Variants in STXBP6 observed in about 807,000 individuals in gnomAD.
STXBP6 encodes syntaxin binding protein 6, also known as syntaxin-binding protein 6.
Under a neutral mutation model 26.9 loss-of-function variants are expected in STXBP6, and 21 were observed. The observed-to-expected ratio is 0.78, with a 90% CI of 0.55 to 1.12. STXBP6 has a LOEUF of 1.12. STXBP6 is among the 50% of genes most tolerant of loss of function. The pLI is 0.00. For missense variants in STXBP6, 232 were observed against 257.9 expected, an observed-to-expected ratio of 0.90 and a Z score of 0.69; for synonymous variants, 97 against 92.6, an observed-to-expected ratio of 1.05 and a Z score of -0.27.
At chr14:24,914,992 G>C (rs2071708555) in intron 2 of STXBP6, among the ~76,000 whole-genome samples, 1 of 152,184 alleles carries the variant, frequency 6.6e-6, no homozygotes, top group African/African-American at 2.4e-5. Context: ...ATTATCAGAA[G>C]TTATTTATCA....
At chr14:24,966,822 A>G (rs2073749245) in intron 2 of STXBP6, among the ~76,000 whole-genome samples, 1 of 152,238 alleles carries the variant, frequency 6.6e-6, no homozygotes, top group Non-Finnish European at 1.5e-5. Flanking sequence ...AGAGTCAAAT[A>G]TATCTACTAA....
intron 1 of STXBP6, among the ~76,000 whole-genome samples, chr14:25,032,299 C>T (rs942853861): frequency 9.9e-5 from 15 of 152,152 alleles, no homozygotes. Flanking sequence ...CATCCGACAT[C>T]GCTCGACACA....
intron 2 of STXBP6, among the ~76,000 whole-genome samples, chr14:24,922,921 A>G (rs545909488): frequency 6.6e-6 from 1 of 152,262 alleles, no homozygotes; most frequent in South Asian, 2.1e-4. Context: ...AATCTTTAAT[A>G]TAATTTTTCT....
chr14:24,825,437 A>G (rs1015305762), intron 4 of STXBP6, among the ~76,000 whole-genome samples: 1 of 152,214 alleles, frequency 6.6e-6, no homozygotes, highest in Admixed American at 6.5e-5. Flanking sequence ...CAAGAAACTT[A>G]CTTGCTTGTT....
intron 2 of STXBP6, among the ~76,000 whole-genome samples, chr14:24,874,992 A>G (rs928595787): frequency 6.6e-6 from 1 of 152,212 alleles, no homozygotes; most frequent in Non-Finnish European, 1.5e-5. Flanking sequence ...GATTTGGCCT[A>G]GAAACTAAGC....
chr14:24,951,519 T>C (rs1247413785), intron 2 of STXBP6, among the ~76,000 whole-genome samples: 1 of 152,222 alleles, frequency 6.6e-6, no homozygotes, highest in Non-Finnish European at 1.5e-5. Context: ...ATAAATGTCT[T>C]CTTTTGAGAA....
At chr14:24,862,454 G>C (rs2069574797) in intron 2 of STXBP6, among the ~76,000 whole-genome samples, 1 of 152,154 alleles carries the variant, frequency 6.6e-6, no homozygotes, top group African/African-American at 2.4e-5. Context: ...TAACCCCAAA[G>C]GTGGAAGGAA....
intron 1 of STXBP6, among the ~76,000 whole-genome samples, chr14:25,046,374 C>G (rs574702467): frequency 1.6e-4 from 25 of 152,328 alleles, no homozygotes; most frequent in Admixed American, 1.0e-3. Context: ...GTCAGGAAGA[C>G]AGGTTTGGGC....
chr14:24,836,138 G>C (rs1409485193), intron 4 of STXBP6, among the ~76,000 whole-genome samples: 1 of 152,176 alleles, frequency 6.6e-6, no homozygotes. Flanking sequence ...TCACACTTTG[G>C]TACTTTACTG....
chr14:24,830,910 C>A (rs1290031281), intron 4 of STXBP6, among the ~76,000 whole-genome samples: 1 of 152,010 alleles, frequency 6.6e-6, no homozygotes, highest in African/African-American at 2.4e-5. Context: ...TAAGTCAGGA[C>A]AATATATCAA....
At chr14:24,815,678 G>A (rs1162890503) in intron 5 of STXBP6, 1 of 152,088 alleles carries the variant, frequency 6.6e-6, no homozygotes, top group Non-Finnish European at 1.5e-5. Flanking sequence ...AATGTCATCT[G>A]AGGATGTCTG....
intron 2 of STXBP6, among the ~76,000 whole-genome samples, chr14:24,956,727 T>G (rs181197532): frequency 1.5e-3 from 220 of 151,552 alleles, no homozygotes; most frequent in African/African-American, 5.0e-3. Flanking sequence ...GAGACAGGGG[T>G]TTCAGTGCTG....
At chr14:24,869,753 G>A (rs1365488478) in intron 2 of STXBP6, among the ~76,000 whole-genome samples, 3 of 152,124 alleles carry the variant, frequency 2.0e-5, no homozygotes, top group African/African-American at 7.2e-5. Flanking sequence ...CCCTCCCTCA[G>A]ACTTACAGCC....
chr14:24,963,894 C>T (rs1490739731), intron 2 of STXBP6, among the ~76,000 whole-genome samples: 1 of 150,018 alleles, frequency 6.7e-6, no homozygotes, highest in Non-Finnish European at 1.5e-5. Flanking sequence ...TCTCCTGCTC[C>T]GTAACCTGAT....
intron 4 of STXBP6, among the ~76,000 whole-genome samples, chr14:24,831,649 T>C (rs2068456480): frequency 6.6e-6 from 1 of 152,156 alleles, no homozygotes; most frequent in Non-Finnish European, 1.5e-5. Context: ...CAAGAAAAAG[T>C]GAATTTATTG....
chr14:24,953,830 A>C (rs1413736026), intron 2 of STXBP6, among the ~76,000 whole-genome samples: 1 of 152,244 alleles, frequency 6.6e-6, no homozygotes, highest in African/African-American at 2.4e-5. Context: ...ACTGATACTA[A>C]TAGCAGAGGC....
At chr14:24,897,650 C>T (rs2071046386) in intron 2 of STXBP6, among the ~76,000 whole-genome samples, 1 of 152,012 alleles carries the variant, frequency 6.6e-6, no homozygotes, top group Non-Finnish European at 1.5e-5. Context: ...TTTTGAATTC[C>T]ACAGTACACC....
intron 2 of STXBP6, among the ~76,000 whole-genome samples, chr14:24,857,640 C>T (rs1226577419): frequency 6.6e-6 from 1 of 151,826 alleles, no homozygotes; most frequent in Non-Finnish European, 1.5e-5. Flanking sequence ...ACATCTTAGG[C>T]TTCAGTGATG....
chr14:25,012,612 AC>A (rs2075056592), intron 1 of STXBP6, among the ~76,000 whole-genome samples: 1 of 152,162 alleles, frequency 6.6e-6, no homozygotes, highest in Non-Finnish European at 1.5e-5. Context: ...AAACAAAAAA[AC>A]AAACAAACAA....
Sources: gnomAD v4.1 joint callset for allele counts (sites outside exome capture counted in the v4.1 genomes callset) on GRCh38, gnomAD v4.1.1 for gene constraint, MANE v1.5 for transcripts, NCBI Gene and HGNC (gene_info 2026-07-23, HGNC 2026-07-21) for gene names.